Variants in RAI1 observed in about 807,000 individuals in gnomAD.
RAI1 encodes the protein retinoic acid induced 1.
In RAI1, 9 loss-of-function variants were observed where a neutral mutation model predicts 123.8. The observed-to-expected ratio is 0.07, with a 90% CI of 0.04 to 0.13. The LOEUF (loss-of-function observed/expected upper bound fraction) is 0.13. RAI1 is among the 10% of genes least tolerant of loss of function. The probability of loss-of-function intolerance (pLI) is 1.00; values close to 1 mark genes in which losing one functional copy is unlikely to be tolerated. For synonymous variants in RAI1, 1,231 were observed against 1,127.3 expected, an observed-to-expected ratio of 1.09 and a Z score of -1.84; for missense variants, 2,256 against 2,545.8, an observed-to-expected ratio of 0.89 and a Z score of 2.45.
chr17:17,775,413 A>G (rs2031306439), intron 2 of RAI1, among the ~76,000 whole-genome samples: 1 of 151,946 alleles, frequency 6.6e-6, no homozygotes, highest in African/African-American at 2.4e-5. Flanking sequence ...CATGTCACCC[A>G]GGCTAGTCAC....
intron 1 of RAI1, among the ~76,000 whole-genome samples, chr17:17,694,026 C>T (rs1479721035): frequency 1.3e-5 from 2 of 152,224 alleles, no homozygotes; most frequent in Non-Finnish European, 2.9e-5. Context: ...AGGAGAGTCA[C>T]CTGTCCTGGC....
At chr17:17,713,409 G>A (rs1024366896) in intron 1 of RAI1, among the ~76,000 whole-genome samples, 2 of 152,144 alleles carry the variant, frequency 1.3e-5, no homozygotes, top group Non-Finnish European at 2.9e-5. Context: ...GGAGGCCGAG[G>A]TGCACGGATC....
intron 1 of RAI1, among the ~76,000 whole-genome samples, chr17:17,688,930 G>A (rs1234061742): frequency 6.6e-6 from 1 of 150,410 alleles, no homozygotes; most frequent in Admixed American, 6.6e-5. Context: ...AAAGTGCTTT[G>A]TATGTAGAAG....
At chr17:17,775,530 C>A (rs1260914747) in intron 2 of RAI1, among the ~76,000 whole-genome samples, 2 of 56,000 alleles carry the variant, frequency 3.6e-5, no homozygotes, top group Non-Finnish European at 9.8e-5. Context: ...ACTCCCCAGT[C>A]AATTAACACA....
intron 4 of RAI1, among the ~76,000 whole-genome samples, chr17:17,805,636 C>T (rs914725988): frequency 6.6e-6 from 1 of 152,210 alleles, no homozygotes; most frequent in Non-Finnish European, 1.5e-5. Context: ...CAAGCTGCCC[C>T]AGGGAGGACA....
chr17:17,693,286 T>TCAGG (rs77893002), intron 1 of RAI1, among the ~76,000 whole-genome samples: 6,365 of 152,296 alleles, frequency 0.042, 381 homozygotes, highest in East Asian at 0.31. Flanking sequence ...CCTCCTCTGA[T>TCAGG]CAGGCCCTCC....
intron 2 of RAI1, among the ~76,000 whole-genome samples, chr17:17,730,633 G>A (rs1916238725): frequency 6.6e-6 from 1 of 152,246 alleles, no homozygotes; most frequent in Non-Finnish European, 1.5e-5. Flanking sequence ...GCTGCCCAGT[G>A]ATCACTGTGA....
At chr17:17,779,638 C>T (rs1221840095) in intron 2 of RAI1, 1 of 152,128 alleles carries the variant, frequency 6.6e-6, no homozygotes, top group African/African-American at 2.4e-5. Flanking sequence ...GGACTTAGGC[C>T]TCATTATCAT....
At chr17:17,752,897 A>C (rs2030269175) in intron 2 of RAI1, among the ~76,000 whole-genome samples, 1 of 152,174 alleles carries the variant, frequency 6.6e-6, no homozygotes, top group African/African-American at 2.4e-5. Flanking sequence ...CGTGTGCCTC[A>C]GGGCAGGGCC....
intron 1 of RAI1, among the ~76,000 whole-genome samples, chr17:17,692,567 G>A (rs1298188820): frequency 1.3e-5 from 2 of 152,194 alleles, no homozygotes; most frequent in Non-Finnish European, 2.9e-5. Context: ...TCCAAAGCCA[G>A]GCCCTGCCTG....
intron 1 of RAI1, among the ~76,000 whole-genome samples, chr17:17,705,850 C>A (rs899841792): frequency 6.6e-6 from 1 of 151,760 alleles, no homozygotes; most frequent in Non-Finnish European, 1.5e-5. Context: ...ATGGTGAAAC[C>A]CCCTCTCTAC....
Position 17,795,485 on chromosome 17 carries a change from C to T in RAI1, c.2537C>T (p.Ser846Phe). The stretch of plus-strand genomic sequence containing the variant: ...CTGGAGGACAGCCGGCACTGCTGTT[C>T]CACCGCCGACTTCGGGGACCTCCCA... The part of the protein sequence containing the change: ...RWLEDSRHCC[S>F]TADFGDLPLL... The change falls in exon 3 of 6, where the codon TCC (serine) becomes TTC (phenylalanine). Residue 846 changes from serine (S) to phenylalanine (F), a missense_variant. Ser to Phe is a radical substitution (Grantham distance 155, BLOSUM62 -2). This residue lies in a region of RAI1 where 566 missense variants were observed against 616.0 expected (regional missense o/e 0.92). Transcript: ENST00000353383. The surrounding 1 kb of genome is among the most constrained non-coding windows in gnomAD (Gnocchi z 5.9). The T allele has an allele frequency of 1.3e-6, 2 of 1,584,828 alleles. No individual in the cohort carries two copies. Among genetic ancestry groups the T allele is most frequent in the Middle Eastern group, 1.7e-4 (1 of 5,980 alleles).
intron 2 of RAI1, among the ~76,000 whole-genome samples, chr17:17,755,357 G>T (rs147943890): frequency 6.6e-6 from 1 of 152,228 alleles, no homozygotes; most frequent in South Asian, 2.1e-4. Flanking sequence ...GAAAGGAGAG[G>T]TGTAGGCCTA....
In RAI1 at chr17:17,725,839, G is replaced by A. The variant is rs945292498; in HGVS notation, c.-17+1680G>A. Among the ~76,000 whole-genome samples the A allele has an allele frequency of 1.1e-3, 167 of 152,174 alleles. 1 individual carries two copies. The highest frequency in any genetic ancestry group is 8.8e-5 in the Non-Finnish European group (6 of 68,018). ...CTACTTAAAAAGAGAATTCCTGGGGGAGAGGGGAGGCACCTTTTGAGAGGG... is the reference window on the plus strand; with the variant it reads ...CTACTTAAAAAGAGAATTCCTGGGGAAGAGGGGAGGCACCTTTTGAGAGGG... On this transcript the variant is annotated intron_variant, in intron 2 of 5. Coordinates refer to ENST00000353383, the MANE Select transcript of RAI1 (RefSeq NM_030665.4).
intron 2 of RAI1, among the ~76,000 whole-genome samples, chr17:17,780,135 G>C (rs1427964073): frequency 2.7e-5 from 4 of 145,878 alleles, no homozygotes; most frequent in Admixed American, 7.1e-5. Flanking sequence ...GCGCAATCTT[G>C]GCTCACTGCA....
chr17:17,751,005 A>G (rs11656775), intron 2 of RAI1, among the ~76,000 whole-genome samples: 91,714 of 152,124 alleles, frequency 0.6, 28,716 homozygotes, highest in Non-Finnish European at 0.67. Flanking sequence ...TCCACAGAGG[A>G]GGAAGATGGG....
intron 1 of RAI1, among the ~76,000 whole-genome samples, chr17:17,691,292 CG>C (rs1394595165): frequency 6.6e-6 from 1 of 152,078 alleles, no homozygotes; most frequent in African/African-American, 2.4e-5. Flanking sequence ...AGGCAGCCCC[CG>C]GAACCACACA....
chr17:17,775,290 ACCTCCCAGGCTCAGGTGAT>A (rs1450980432), intron 2 of RAI1, among the ~76,000 whole-genome samples: 24 of 147,508 alleles, frequency 1.6e-4, no homozygotes, highest in African/African-American at 5.8e-4. Context: ...TGCAGCCTGG[ACCTCCCAGGCTCAGGTGAT>A]CCTCCCAGCT....
rs2032622104 is a variant in RAI1 at position 17,807,722 on chromosome 17, C to T, written c.5660-1668C>T. Among the ~76,000 whole-genome samples, 3 of 152,348 alleles carry T rather than the reference C, an allele frequency of 2.0e-5. No homozygotes were observed. The East Asian group carries it at 5.8e-4, about 29-fold the overall frequency. On this transcript the variant is annotated intron_variant, in intron 4 of 5. Transcript: ENST00000353383. ...TGGCGACCTCCTACCCTCAACTTCC[C>T]TTGGTGGGAGTGCCCGCAGCTACCC...
Sources: allele counts gnomAD v4.1 joint callset (sites outside exome capture counted in the v4.1 genomes callset), GRCh38; gene constraint gnomAD v4.1.1; regional missense constraint gnomAD v4.1.1; non-coding constraint Gnocchi (gnomAD v3.1); transcripts MANE v1.5; gene names NCBI Gene and HGNC (gene_info 2026-07-23, HGNC 2026-07-21).